Variants in USH2A observed in about 807,000 individuals in gnomAD.
USH2A encodes the protein Usher syndrome 2A (autosomal recessive, mild).
A neutral mutation model predicts 538.9 loss-of-function variants in USH2A; 443 were observed. The ratio of observed to expected loss-of-function variants is 0.82; its 90% CI spans 0.76 to 0.89. The LOEUF (loss-of-function observed/expected upper bound fraction) is 0.89. Among genes scored for constraint, USH2A ranks in the 40% least tolerant of loss-of-function variants. The pLI is 0.00. For synonymous variants in USH2A, 2,413 were observed against 2,273.5 expected (o/e 1.06, Z -1.75); for missense variants, 6,633 against 6,324.8 (o/e 1.05, Z -1.65).
chr1:215,980,000 T>C (rs1667711846), intron 35 of USH2A, among the ~76,000 whole-genome samples: 1 of 152,196 alleles, frequency 6.6e-6, no homozygotes, highest in Non-Finnish European at 1.5e-5. Flanking sequence ...TTAGAAGATG[T>C]TGACATTGGG....
At chr1:215,731,909 T>C (rs1660004834) in intron 60 of USH2A, among the ~76,000 whole-genome samples, 1 of 152,238 alleles carries the variant, frequency 6.6e-6, no homozygotes. Context: ...CTCTGCCACT[T>C]AGTTCAATGA....
chr1:215,991,598 C>T (rs2102475424), intron 35 of USH2A, among the ~76,000 whole-genome samples: 1 of 152,328 alleles, frequency 6.6e-6, no homozygotes, highest in Admixed American at 6.5e-5. Context: ...AGTGTCAATA[C>T]AAATCTCCAA....
intron 19 of USH2A, 86 bp from the exon 20 acceptor site, chr1:216,190,453 G>T: frequency 6.6e-7 from 1 of 1,511,026 alleles, no homozygotes; most frequent in Non-Finnish European, 8.9e-7. Context: ...AAAGTTCCAT[G>T]AATTCAGACA....
At chr1:216,166,149 G>A (rs1424297724) in intron 21 of USH2A, among the ~76,000 whole-genome samples, 3 of 152,094 alleles carry the variant, frequency 2.0e-5, no homozygotes, top group African/African-American at 7.2e-5. Flanking sequence ...GAGGAGGCTG[G>A]GGTTGCTGGA....
intron 48 of USH2A, among the ~76,000 whole-genome samples, chr1:215,815,905 C>A (rs1662846852): frequency 6.6e-6 from 1 of 152,010 alleles, no homozygotes; most frequent in Non-Finnish European, 1.5e-5. Context: ...TCAGTTTTTA[C>A]TTTGATGGAA....
intron 17 of USH2A, 91 bp from the exon 18 acceptor site, chr1:216,198,675 G>T: frequency 8.6e-7 from 1 of 1,157,730 alleles, no homozygotes; most frequent in Non-Finnish European, 1.2e-6. Flanking sequence ...AAAGAGTGCT[G>T]GATATTCATT....
rs1427955831 is a variant in USH2A at position 216,050,587 on chromosome 1, TCTTTCTTTCTTTCTTTC to T, written c.6050-1957_6050-1941del. Reference sequence around the variant, plus strand: ...TTCTTTCTTTCTTTCTTTCTTTCTTTCTTTCTTTCTTTCTTTCTTTTTTTTTTTTTTTTTTGAGACAG... The same window carrying T: ...TTCTTTCTTTCTTTCTTTCTTTCTTTTTTTTTTTTTTTTTTTTTGAGACAG... On this transcript the variant is annotated intron_variant, in intron 30 of 71. Transcript: ENST00000307340. Among the ~76,000 whole-genome samples, 48 of 36,568 alleles carry T rather than the reference TCTTTCTTTCTTTCTTTC, an allele frequency of 1.3e-3. 2 individuals carry two copies. The highest frequency in any genetic ancestry group is 3.3e-3 in the African/African-American group (44 of 13,484). The allele number at this position is 36,568 out of a possible 152,430, so 24.0% of individuals were successfully genotyped here.
chr1:215,719,362 C>CAAAAAA lies in USH2A; in HGVS notation c.12066+8662_12066+8667dup, dbSNP rs375176415. 6.7e-5 allele frequency among the ~76,000 whole-genome samples: 5 copies of CAAAAAA among 74,640 alleles called. 1 individual carries two copies. The highest frequency in any genetic ancestry group is 7.7e-5 in the Non-Finnish European group (3 of 38,764). The allele number at this position is 74,640 out of a possible 152,430, so 49.0% of individuals were successfully genotyped here. On this transcript the variant is annotated intron_variant, in intron 61 of 71. Coordinates refer to ENST00000307340, the MANE Select transcript of USH2A (RefSeq NM_206933.4). The stretch of plus-strand genomic sequence containing the variant: ...TAAGACCGTAATAAACCTCAGGAGA[C>CAAAAAA]AAAAAAAAAAAAAAAAAAAAAGCAT...
intron 14 of USH2A, among the ~76,000 whole-genome samples, chr1:216,225,510 T>G: frequency 6.6e-6 from 1 of 152,202 alleles, no homozygotes; most frequent in East Asian, 1.9e-4. Flanking sequence ...AGACAAATCC[T>G]GCTGATCTCC....
intron 20 of USH2A, among the ~76,000 whole-genome samples, chr1:216,179,105 A>G (rs2034443402): frequency 6.6e-6 from 1 of 152,096 alleles, no homozygotes; most frequent in African/African-American, 2.4e-5. Flanking sequence ...CTTTACTCCA[A>G]CCACTCAACT....
chr1:216,118,203 G>T (rs2033053770), intron 21 of USH2A, among the ~76,000 whole-genome samples: 1 of 152,012 alleles, frequency 6.6e-6, no homozygotes, highest in Non-Finnish European at 1.5e-5. Context: ...AAAGTACTCA[G>T]AACTATTTGG....
chr1:215,646,237 T>G (rs973896292), intron 67 of USH2A, among the ~76,000 whole-genome samples: 3 of 152,228 alleles, frequency 2.0e-5, no homozygotes, highest in Non-Finnish European at 1.5e-5. Context: ...TAGAAGAGTC[T>G]TGGACTTAGC....
At chr1:216,232,728 C>T (rs2035725365) in intron 13 of USH2A, among the ~76,000 whole-genome samples, 2 of 152,102 alleles carry the variant, frequency 1.3e-5, no homozygotes, top group Non-Finnish European at 2.9e-5. Context: ...AATTTTAAAC[C>T]TTCCACTCTT....
At chr1:215,942,482 G>C (rs561791606) in intron 37 of USH2A, among the ~76,000 whole-genome samples, 1 of 152,234 alleles carries the variant, frequency 6.6e-6, no homozygotes, top group East Asian at 1.9e-4. Flanking sequence ...TCTCTGAACT[G>C]TATATATGAA....
intron 69 of USH2A, among the ~76,000 whole-genome samples, chr1:215,638,946 C>G (rs185872564): frequency 2.0e-5 from 3 of 151,412 alleles, no homozygotes; most frequent in Non-Finnish European, 4.4e-5. Flanking sequence ...CCACTGCACT[C>G]CAGCCTGAGT....
At chr1:216,174,602 T>G in intron 21 of USH2A, 1 of 981,764 alleles carries the variant, frequency 1.0e-6, no homozygotes, top group Non-Finnish European at 1.2e-6. Context: ...AACACTGAGT[T>G]TTTTAGTGCC....
Position 215,961,199 on chromosome 1 carries a change from C to T in USH2A, c.7120+4118G>A, listed in dbSNP as rs187339567. On this transcript the variant is annotated intron_variant, in intron 37 of 71. Coordinates refer to ENST00000307340, the MANE Select transcript of USH2A (RefSeq NM_206933.4). Reference sequence around the variant, plus strand: ...GTGGCTTTCAGAAGACAGGTATCTGCGAGTGAAGTCTACATATAATTATTG... The same window carrying T: ...GTGGCTTTCAGAAGACAGGTATCTGTGAGTGAAGTCTACATATAATTATTG... Among the ~76,000 whole-genome samples, 529 of 151,960 alleles carry T rather than the reference C, an allele frequency of 3.5e-3. 1 individual carries two copies. Among genetic ancestry groups the T allele is most frequent in the Admixed American group, 5.3e-3 (80 of 15,232 alleles).
intron 47 of USH2A, among the ~76,000 whole-genome samples, chr1:215,820,735 T>C (rs1662988206): frequency 6.6e-6 from 1 of 151,632 alleles, no homozygotes; most frequent in South Asian, 2.1e-4. Context: ...ATTCTTCCTC[T>C]CCCTCTCCCC....
At chr1:215,751,685 G>A (rs944843764) in intron 58 of USH2A, among the ~76,000 whole-genome samples, 1 of 152,010 alleles carries the variant, frequency 6.6e-6, no homozygotes, top group Non-Finnish European at 1.5e-5. Flanking sequence ...TAATATAAAT[G>A]TTCTCTTTAA....
Sources: gnomAD v4.1 joint callset for allele counts (sites outside exome capture counted in the v4.1 genomes callset) on GRCh38, gnomAD v4.1.1 for gene constraint, MANE v1.5 for transcripts, NCBI Gene and HGNC (gene_info 2026-07-23, HGNC 2026-07-21) for gene names.